NFILZ: variants seen among roughly 807,000 people sequenced by gnomAD.
The protein encoded by NFILZ is NFIL3 like protein.
At chr19:8,656,223 T>G (rs868908585) in intron 3 of NFILZ, among the ~76,000 whole-genome samples, 2 of 107,390 alleles carry the variant, frequency 1.9e-5, no homozygotes, top group African/African-American at 7.1e-5. Flanking sequence ...CAGCCCACCT[T>G]CTCCCAGAAA....
chr19:8,674,374 T>G (rs938704514), intron 3 of NFILZ, among the ~76,000 whole-genome samples, 177 bp from the exon 4 acceptor site: 1 of 152,200 alleles, frequency 6.6e-6, no homozygotes, highest in Non-Finnish European at 1.5e-5. Flanking sequence ...GGGAGATTTG[T>G]GAAGGCTGGG....
At chr19:8,632,250 G>GTGTGTGTGTA (rs1270567600) in intron 1 of NFILZ, among the ~76,000 whole-genome samples, 1 of 91,918 alleles carries the variant, frequency 1.1e-5, no homozygotes, top group African/African-American at 3.6e-5. Context: ...CATACAGTGT[G>GTGTGTGTGTA]TGTGTGTGTG....
At chr19:8,659,273 A>G (rs2043019124) in intron 3 of NFILZ, among the ~76,000 whole-genome samples, 1 of 152,118 alleles carries the variant, frequency 6.6e-6, no homozygotes, top group African/African-American at 2.4e-5. Context: ...TTTTTTAAAA[A>G]GAAAGAGACA....
chr19:8,647,976 T>C (rs1389998495), intron 3 of NFILZ, among the ~76,000 whole-genome samples: 1 of 151,048 alleles, frequency 6.6e-6, no homozygotes, highest in Non-Finnish European at 1.5e-5. Flanking sequence ...ATCAAGACCA[T>C]CCTGGCTAAC....
At position 8,677,740 on chromosome 19, in the gene NFILZ, G is replaced by A. The variant is rs1359424243; in HGVS notation, c.*105G>A. On this transcript the variant is annotated 3_prime_UTR_variant, in exon 6 of 6. Transcript: ENST00000691075. ...TGGTCTTGATCAGCAATCTGGGAAG[G>A]CCTGTAGGAAGTAGGGGTGCCCTGG... 6.6e-6 allele frequency among the ~76,000 whole-genome samples: 1 copy of A among 152,064 alleles called. No homozygotes were observed. The highest frequency in any genetic ancestry group is 1.9e-4 in the East Asian group (1 of 5,164).
At chr19:8,645,528 G>T (rs967736446) in intron 3 of NFILZ, among the ~76,000 whole-genome samples, 1 of 152,102 alleles carries the variant, frequency 6.6e-6, no homozygotes, top group Non-Finnish European at 1.5e-5. Context: ...TCATCTTTTG[G>T]TTACAGTGAT....
At chr19:8,670,001 G>C (rs2043079495) in intron 3 of NFILZ, among the ~76,000 whole-genome samples, 1 of 152,170 alleles carries the variant, frequency 6.6e-6, no homozygotes, top group African/African-American at 2.4e-5. Flanking sequence ...CGGATGTTAA[G>C]GAAAGAATGA....
At position 8,678,146 on chromosome 19, in the gene NFILZ, TG is replaced by T. The variant is rs2043125629; in HGVS notation, c.*512del. Among the ~76,000 whole-genome samples the T allele has an allele frequency of 5.3e-3, 43 of 8,114 alleles. No individual in the cohort carries two copies. The highest frequency in any genetic ancestry group is 9.9e-3 in the African/African-American group (24 of 2,424). The allele number at this position is 8,114 out of a possible 152,430, so 5.3% of individuals were successfully genotyped here. ...CCATCCCTCCATCCATTCATCCACT[TG>T]TCCGTCCATCCATCCATCCATCCAT... On this transcript the variant is annotated 3_prime_UTR_variant, in exon 6 of 6. Coordinates refer to ENST00000691075, the MANE Select transcript of NFILZ (RefSeq NM_001378600.1).
At chr19:8,656,333 T>TCTCCCTGAAGCCCAC (rs2042995973) in intron 3 of NFILZ, among the ~76,000 whole-genome samples, 1 of 71,752 alleles carries the variant, frequency 1.4e-5, no homozygotes, top group African/African-American at 3.8e-5. Context: ...GAAGCCCCCT[T>TCTCCCTGAAGCCCAC]CTTCCTGAAG....
Position 8,654,318 on chromosome 19 carries a change from G to GAAA in NFILZ, c.-164+18583_-164+18585dup, listed in dbSNP as rs146670629. Among the ~76,000 whole-genome samples the GAAA allele has an allele frequency of 1.2e-3, 114 of 92,820 alleles. No individual in the cohort carries two copies. The Middle Eastern group carries it at 0.012, about 10-fold the overall frequency. The allele number at this position is 92,820 out of a possible 152,430, so 60.9% of individuals were successfully genotyped here. A position where few individuals can be genotyped will look rare whatever the true frequency, so the allele number is the denominator to read the frequency against. On this transcript the variant is annotated intron_variant, in intron 3 of 5. Coordinates refer to ENST00000691075, the MANE Select transcript of NFILZ (RefSeq NM_001378600.1). ...AACCACTTTTACCCCAAAAGCTACT[G>GAAA]AAAAAAAAAAAAATTATGGCTGGCA...
chr19:8,661,101 T>TTCCCCCAC (rs1283731004), intron 3 of NFILZ, among the ~76,000 whole-genome samples: 1 of 26,096 alleles, frequency 3.8e-5, no homozygotes, highest in Admixed American at 4.1e-4. Flanking sequence ...CCTCCCTTCC[T>TTCCCCCAC]CCTTCCTTCC....
intron 3 of NFILZ, among the ~76,000 whole-genome samples, chr19:8,638,029 G>C (rs1334732625): frequency 6.6e-6 from 1 of 151,736 alleles, no homozygotes; most frequent in Non-Finnish European, 1.5e-5. Context: ...CCCAACACAG[G>C]TTAGTGCCAG....
chr19:8,656,969 G>A (rs1288621369), intron 3 of NFILZ, among the ~76,000 whole-genome samples: 1 of 152,044 alleles, frequency 6.6e-6, no homozygotes, highest in African/African-American at 2.4e-5. Context: ...TTGTCCTGGG[G>A]GTTGTCTGTG....
At chr19:8,672,782 C>A (rs79598435) in intron 3 of NFILZ, among the ~76,000 whole-genome samples, 3,280 of 152,150 alleles carry the variant, frequency 0.022, 131 homozygotes, top group African/African-American at 0.075. Flanking sequence ...CCAATAAATA[C>A]TTTTACAGGG....
chr19:8,634,549 A>C (rs1555745890), intron 2 of NFILZ, among the ~76,000 whole-genome samples: 1 of 152,076 alleles, frequency 6.6e-6, no homozygotes, highest in African/African-American at 2.4e-5. Flanking sequence ...TATTATTGTA[A>C]TGTTTTTTCC....
chr19:8,651,460 C>T (rs1055548970), intron 3 of NFILZ, among the ~76,000 whole-genome samples: 3 of 152,110 alleles, frequency 2.0e-5, no homozygotes, highest in Admixed American at 6.6e-5. Flanking sequence ...CTGCGCCCGA[C>T]CTTCAATAAG....
At chr19:8,642,022 T>G (rs1460059606) in intron 3 of NFILZ, among the ~76,000 whole-genome samples, 2 of 152,100 alleles carry the variant, frequency 1.3e-5, no homozygotes, top group Admixed American at 1.3e-4. Context: ...TTATGTTTTT[T>G]GTAGAGACAG....
rs2042972906 is a variant in NFILZ at position 8,652,989 on chromosome 19, TTCCTTCCTTC to T, written c.-164+17244_-164+17253del. On this transcript the variant is annotated intron_variant, in intron 3 of 5. Coordinates refer to ENST00000691075, the MANE Select transcript of NFILZ (RefSeq NM_001378600.1). ...CTTCCCTCCTTCCTTCCTTCCTTCC[TTCCTTCCTTC>T]CTTCCTTCCTTCCTTTCTTTCTTTC... Among the ~76,000 whole-genome samples, 22 of 30,184 alleles carry T rather than the reference TTCCTTCCTTC, an allele frequency of 7.3e-4. No individual in the cohort carries two copies. The East Asian group carries it at 0.01, about 14-fold the overall frequency. 19.8% of individuals were successfully genotyped at this position (30,184 alleles called of 152,430 possible).
At chr19:8,640,519 G>A (rs1477166447) in intron 3 of NFILZ, among the ~76,000 whole-genome samples, 1 of 152,068 alleles carries the variant, frequency 6.6e-6, no homozygotes, top group Admixed American at 6.6e-5. Context: ...GTGAGCAGCA[G>A]AAGGTGCCTT....
Sources: gnomAD v4.1 joint callset for allele counts (sites outside exome capture counted in the v4.1 genomes callset) on GRCh38, gnomAD v4.1.1 for gene constraint, MANE v1.5 for transcripts, NCBI Gene and HGNC (gene_info 2026-07-23, HGNC 2026-07-21) for gene names.